CTNNA3: variants seen among roughly 807,000 people sequenced by gnomAD.
CTNNA3 encodes the protein catenin alpha-3.
CTNNA3 carries 76 observed loss-of-function variants against 95.7 expected under a neutral mutation model. That is an observed-to-expected ratio of 0.79 (90% CI 0.66 to 0.96). The LOEUF is 0.96. Ranked by LOEUF, CTNNA3 falls within the 40% of genes least tolerant of loss-of-function variation. The pLI is 0.00. For synonymous variants in CTNNA3, 431 were observed against 374.4 expected (o/e 1.15, Z -1.74); for missense variants, 1,191 against 1,089.8 (o/e 1.09, Z -1.31).
chr10:67,709,936 G>C (rs1195552585), intron 1 of CTNNA3, among the ~76,000 whole-genome samples: 1 of 152,112 alleles, frequency 6.6e-6, no homozygotes, highest in African/African-American at 2.4e-5. Context: ...AATATCACTT[G>C]TTAATAGTTT....
intron 7 of CTNNA3, among the ~76,000 whole-genome samples, chr10:67,077,903 CAGA>C (rs1856817320): frequency 6.6e-6 from 1 of 152,012 alleles, no homozygotes; most frequent in Non-Finnish European, 1.5e-5. Flanking sequence ...TCTAGATTAA[CAGA>C]GGAGGAAGGG....
At chr10:67,262,713 A>G (rs1049310420) in intron 5 of CTNNA3, among the ~76,000 whole-genome samples, 35 of 152,312 alleles carry the variant, frequency 2.3e-4, no homozygotes, top group African/African-American at 7.9e-4. Flanking sequence ...TGCTAGAGAC[A>G]AAAAGGGGAA....
intron 7 of CTNNA3, among the ~76,000 whole-genome samples, chr10:67,130,129 C>A (rs1224451291): frequency 6.6e-6 from 1 of 152,092 alleles, no homozygotes; most frequent in Admixed American, 6.6e-5. Flanking sequence ...AAGAAACCCT[C>A]CTTTAAAGAA....
chr10:66,060,374 C>A (rs1336596787), intron 15 of CTNNA3, among the ~76,000 whole-genome samples: 1 of 152,028 alleles, frequency 6.6e-6, no homozygotes, highest in Non-Finnish European at 1.5e-5. Context: ...GTTAAGATGG[C>A]AAACTGACAC....
intron 13 of CTNNA3, among the ~76,000 whole-genome samples, chr10:66,268,368 T>A (rs2132122337): frequency 6.6e-6 from 1 of 152,206 alleles, no homozygotes; most frequent in Non-Finnish European, 1.5e-5. Flanking sequence ...TGTGCTTTGT[T>A]AACTGTAACT....
At chr10:66,048,920 A>G (rs191804001) in intron 15 of CTNNA3, among the ~76,000 whole-genome samples, 127 of 152,308 alleles carry the variant, frequency 8.3e-4, no homozygotes, top group South Asian at 4.3e-3. Flanking sequence ...AATTGCAACA[A>G]AAGCAAAAAT....
At chr10:66,557,698 T>C (rs1359211190) in intron 10 of CTNNA3, among the ~76,000 whole-genome samples, 2 of 152,042 alleles carry the variant, frequency 1.3e-5, no homozygotes, top group Non-Finnish European at 2.9e-5. Flanking sequence ...ACAACTGGAG[T>C]TCCTATATTT....
chr10:67,591,288 T>C (rs899583388), intron 3 of CTNNA3, among the ~76,000 whole-genome samples: 18 of 152,290 alleles, frequency 1.2e-4, no homozygotes, highest in African/African-American at 4.3e-4. Context: ...AATTCTATAA[T>C]TTTAATACAC....
chr10:65,945,522 G>T (rs572748187), intron 17 of CTNNA3, among the ~76,000 whole-genome samples: 1 of 152,038 alleles, frequency 6.6e-6, no homozygotes, highest in Non-Finnish European at 1.5e-5. Context: ...GGTGTACTAG[G>T]GTTGTCTATT....
Position 67,319,391 on chromosome 10 carries a change from C to T in CTNNA3, c.580-99521G>A, listed in dbSNP as rs762920289. The stretch of plus-strand genomic sequence containing the variant: ...AGTCATAGGGACCAGGGGTAATCTC[C>T]GGTAACCCCAACCCGGTAGCACACT... On this transcript the variant is annotated intron_variant, in intron 5 of 17. Transcript: ENST00000433211. Among the ~76,000 whole-genome samples the T allele has an allele frequency of 6.6e-5, 10 of 152,238 alleles. No homozygotes were observed. The South Asian group carries it at 1.2e-3, about 19-fold the overall frequency.
intron 5 of CTNNA3, among the ~76,000 whole-genome samples, chr10:67,482,565 T>C (rs1291320696): frequency 1.3e-5 from 2 of 152,156 alleles, no homozygotes; most frequent in East Asian, 3.8e-4. Context: ...GTTATTGGTG[T>C]ATAAGAATGC....
chr10:66,285,842 G>C (rs532189109), intron 12 of CTNNA3, among the ~76,000 whole-genome samples: 1 of 151,832 alleles, frequency 6.6e-6, no homozygotes, highest in South Asian at 2.1e-4. Flanking sequence ...AGAAGTTCGT[G>C]CAACTGTTTT....
chr10:65,962,928 T>C lies in CTNNA3; in HGVS notation c.2400+3684A>G, dbSNP rs1159579197. Reference sequence around the variant, plus strand: ...TGCATAGTATTCCATGGTGTATATGTGCCACATTTTCTTAATCCAGTCTAT... The same window carrying C: ...TGCATAGTATTCCATGGTGTATATGCGCCACATTTTCTTAATCCAGTCTAT... On this transcript the variant is annotated intron_variant, in intron 17 of 17. Coordinates refer to ENST00000433211, the MANE Select transcript of CTNNA3 (RefSeq NM_013266.4). Among the ~76,000 whole-genome samples the C allele has an allele frequency of 2.6e-5, 4 of 152,192 alleles. No individual in the cohort carries two copies. In the South Asian group the frequency reaches 8.3e-4, roughly 32 times the overall value.
chr10:66,515,207 C>T (rs1023481902), intron 11 of CTNNA3, among the ~76,000 whole-genome samples: 1 of 151,934 alleles, frequency 6.6e-6, no homozygotes, highest in Non-Finnish European at 1.5e-5. Flanking sequence ...TGAGAATTCA[C>T]ACGTTTTCAC....
chr10:66,073,937 T>C (rs1306324990), intron 14 of CTNNA3, among the ~76,000 whole-genome samples: 1 of 152,016 alleles, frequency 6.6e-6, no homozygotes, highest in Non-Finnish European at 1.5e-5. Flanking sequence ...AGCAAATCCA[T>C]GCACCTACAC....
intron 11 of CTNNA3, among the ~76,000 whole-genome samples, chr10:66,476,181 G>A (rs2921929): frequency 0.15 from 22,831 of 150,552 alleles, 3,582 homozygotes; most frequent in East Asian, 0.78. Context: ...ATGGACACAG[G>A]GAGGGGAATG....
chr10:66,763,072 A>G (rs1839666279), intron 9 of CTNNA3, among the ~76,000 whole-genome samples: 1 of 152,018 alleles, frequency 6.6e-6, no homozygotes, highest in Non-Finnish European at 1.5e-5. Context: ...GTGGGGTGGT[A>G]GGGAGCAAGG....
intron 1 of CTNNA3, among the ~76,000 whole-genome samples, chr10:67,749,984 C>A (rs1841396469): frequency 6.6e-6 from 1 of 152,132 alleles, no homozygotes; most frequent in Non-Finnish European, 1.5e-5. Context: ...AATAAATTTG[C>A]TGCTGCTCAC....
intron 13 of CTNNA3, among the ~76,000 whole-genome samples, chr10:66,197,683 A>T (rs1359800445): frequency 6.6e-6 from 1 of 152,174 alleles, no homozygotes; most frequent in Non-Finnish European, 1.5e-5. Context: ...GAATGTCCTT[A>T]AGTAGAAATT....
Sources: gnomAD v4.1 joint callset for allele counts (sites outside exome capture counted in the v4.1 genomes callset) on GRCh38, gnomAD v4.1.1 for gene constraint, MANE v1.5 for transcripts, NCBI Gene and HGNC (gene_info 2026-07-23, HGNC 2026-07-21) for gene names.